Variants in LCP2 observed in about 807,000 individuals in gnomAD.
LCP2 encodes 76 kDa tyrosine phosphoprotein.
A neutral mutation model predicts 74.5 loss-of-function variants in LCP2; 29 were observed. The observed-to-expected ratio is 0.39, with a 90% CI of 0.29 to 0.53. The LOEUF is 0.53. Ranked by LOEUF, LCP2 falls within the 20% of genes least tolerant of loss-of-function variation. LCP2 has a pLI of 0.72. For synonymous variants in LCP2, 228 were observed against 229.5 expected (o/e 0.99, Z 0.06); for missense variants, 604 against 634.6 (o/e 0.95, Z 0.52).
At position 170,262,684 on chromosome 5, in the gene LCP2, T is replaced by G; in HGVS notation, c.877A>C (p.Arg293=). ...GGCAGGGGGCTGCTCCTTTCATGTC[T>G]TTCCGTGGTCGGTGGTAAAGGAGGC... ...QKPPLPPTTE[R]HERSSPLPGK... Residue 293 remains arginine (R), a synonymous_variant, in exon 13 of 21, where the codon AGA becomes CGA. Coordinates refer to ENST00000046794, the MANE Select transcript of LCP2 (RefSeq NM_005565.5). The G allele has an allele frequency of 6.2e-7, 1 of 1,614,026 alleles. No homozygotes were observed. Among genetic ancestry groups the G allele is most frequent in the Admixed American group, 1.7e-5 (1 of 60,018 alleles).
chr5:170,282,791 T>A (rs1033762260), intron 3 of LCP2, among the ~76,000 whole-genome samples: 15 of 152,344 alleles, frequency 9.8e-5, no homozygotes, highest in Admixed American at 6.5e-5. Context: ...TAGCTTGCCC[T>A]CAAGTCTCAC....
chr5:170,268,562 G>A (rs1761816489), intron 7 of LCP2, 80 bp from the exon 8 acceptor site: 4 of 180,094 alleles, frequency 2.2e-5, no homozygotes, highest in East Asian at 1.8e-4. Context: ...TATGCAGCTC[G>A]GGGCACCGGG....
At chr5:170,269,640 G>A (rs571796410) in intron 7 of LCP2, among the ~76,000 whole-genome samples, 10 of 152,192 alleles carry the variant, frequency 6.6e-5, no homozygotes, top group Non-Finnish European at 1.2e-4. Flanking sequence ...TACACCCTCA[G>A]GCAAACGCTC....
chr5:170,270,594 C>T (rs898030059), intron 7 of LCP2, 125 bp downstream of exon 7: 8 of 765,224 alleles, frequency 1.0e-5, no homozygotes, highest in African/African-American at 1.8e-5. Flanking sequence ...GTTAAGAAGC[C>T]GAGCAGATAT....
In LCP2 at chr5:170,261,422, T is replaced by TATAC. The variant is rs1561968715; in HGVS notation, c.927-286_927-285insGTAT. ...GTGTGTGTGTGTATATATATATATA[T>TATAC]ACACACTCTATATGTATATGTACAC... On this transcript the variant is annotated intron_variant, in intron 13 of 20. Transcript: ENST00000046794. 6.7e-5 allele frequency among the ~76,000 whole-genome samples: 10 copies of TATAC among 150,254 alleles called. No individual in the cohort carries two copies. The South Asian group carries it at 1.5e-3, about 22-fold the overall frequency.
chr5:170,291,010 AAG>A (rs1252913805), intron 2 of LCP2, among the ~76,000 whole-genome samples: 7 of 141,394 alleles, frequency 5.0e-5, no homozygotes, highest in East Asian at 2.0e-4. Context: ...GAGAGAAAGA[AAG>A]AGAGAAAGAA....
At chr5:170,295,111 C>G (rs1762351363) in intron 1 of LCP2, among the ~76,000 whole-genome samples, 1 of 152,086 alleles carries the variant, frequency 6.6e-6, no homozygotes, top group Non-Finnish European at 1.5e-5. Flanking sequence ...GGGACCCCAC[C>G]TGGGATTAGG....
At position 170,275,424 on chromosome 5, in the gene LCP2, C is replaced by G. The variant is rs1006065190; in HGVS notation, c.255-73G>C. 1.9e-6 allele frequency: 3 copies of G among 1,552,838 alleles called. No homozygotes were observed. The African/African-American group carries it at 4.1e-5, about 21-fold the overall frequency. On this transcript the variant is annotated intron_variant, in intron 4 of 20. Transcript: ENST00000046794. Reference sequence around the variant, plus strand: ...GATCTCCCTCTTTCCTCAACCTGGTCCAGCGAGAGGGAGTCCCCAGTGGAG... The same window carrying G: ...GATCTCCCTCTTTCCTCAACCTGGTGCAGCGAGAGGGAGTCCCCAGTGGAG...
intron 3 of LCP2, among the ~76,000 whole-genome samples, chr5:170,281,527 G>T (rs377669566): frequency 2.0e-5 from 3 of 152,162 alleles, no homozygotes; most frequent in African/African-American, 4.8e-5. Context: ...TGATCCGCCC[G>T]CCTTGGCCTC....
At chr5:170,251,139 A>G (rs1156751501) in intron 19 of LCP2, 11 of 396,732 alleles carry the variant, frequency 2.8e-5, no homozygotes, top group Middle Eastern at 7.0e-4. Context: ...CAATCTCGTT[A>G]AAGCCTCCTG....
rs1187336482 is a variant in LCP2 at position 170,260,524 on chromosome 5, C to A, written c.957+583G>T. On this transcript the variant is annotated intron_variant, in intron 14 of 20. Transcript: ENST00000046794. ...CTCCGTAAAAGAGAAAAGATGTTTC[C>A]TTATGGGTTCATTATACTCATATGT... Among the ~76,000 whole-genome samples, 5 of 152,316 alleles carry A rather than the reference C, an allele frequency of 3.3e-5. No individual in the cohort carries two copies. In the East Asian group the frequency reaches 9.6e-4, roughly 29 times the overall value.
intron 9 of LCP2, 54 bp from the exon 10 acceptor site, chr5:170,266,945 G>A: frequency 1.2e-5 from 19 of 1,601,320 alleles, no homozygotes; most frequent in Non-Finnish European, 1.6e-5. Flanking sequence ...TCGGCTGGGG[G>A]TTGGGCGGGG....
intron 16 of LCP2, 67 bp downstream of exon 16, chr5:170,257,970 C>T (rs546252420): frequency 1.3e-6 from 2 of 1,522,556 alleles, no homozygotes; most frequent in Admixed American, 3.4e-5. Flanking sequence ...ATCTGCCTGG[C>T]ATTACTTCAG....
chr5:170,258,625 T>G (rs1761601859), intron 15 of LCP2: 1 of 434,554 alleles, frequency 2.3e-6, no homozygotes, highest in Non-Finnish European at 4.1e-6. Flanking sequence ...TTTTACATTT[T>G]GTGATACAAT....
At position 170,247,803 on chromosome 5, in the gene LCP2, T is replaced by C. The variant is rs970866566; in HGVS notation, c.*894A>G. Reference sequence around the variant, plus strand: ...AATCTAAAGTGTTGCTCCCTCGTCTTCCCAGGAAGCCTTTGGTAAAATCTA... The same window carrying C: ...AATCTAAAGTGTTGCTCCCTCGTCTCCCCAGGAAGCCTTTGGTAAAATCTA... On this transcript the variant is annotated 3_prime_UTR_variant, in exon 21 of 21. Coordinates refer to ENST00000046794, the MANE Select transcript of LCP2 (RefSeq NM_005565.5). 2 of 152,210 alleles carry C rather than the reference T, an allele frequency of 1.3e-5. No individual in the cohort carries two copies. The highest frequency in any genetic ancestry group is 4.8e-5 in the African/African-American group (2 of 41,430). The allele number at this position is 152,210 out of a possible 1,614,324, so 9.4% of individuals were successfully genotyped here.
chr5:170,253,760 C>G (rs189487441), intron 17 of LCP2, among the ~76,000 whole-genome samples: 134 of 152,328 alleles, frequency 8.8e-4, no homozygotes, highest in Non-Finnish European at 1.4e-3. Flanking sequence ...ACCCGCTGTT[C>G]TAACTAAACA....
chr5:170,271,721 A>T (rs956197426), intron 6 of LCP2, among the ~76,000 whole-genome samples: 1 of 152,022 alleles, frequency 6.6e-6, no homozygotes. Flanking sequence ...AGCAGCAGTG[A>T]TGAGCGCTCA....
chr5:170,291,713 G>T (rs1260474483), intron 2 of LCP2, among the ~76,000 whole-genome samples: 1 of 152,218 alleles, frequency 6.6e-6, no homozygotes, highest in East Asian at 1.9e-4. Context: ...AGGAAGCAAG[G>T]CAGGCTCAGA....
In LCP2 at chr5:170,247,683, G is replaced by A. The variant is rs964414523; in HGVS notation, c.*1014C>T. On this transcript the variant is annotated 3_prime_UTR_variant, in exon 21 of 21. Coordinates refer to ENST00000046794, the MANE Select transcript of LCP2 (RefSeq NM_005565.5). ...CTCAAAGCACTTATACAGCCTGTTTGGGAAGGATGAGGAGAAGGGACTTTA... is the reference window on the plus strand; with the variant it reads ...CTCAAAGCACTTATACAGCCTGTTTAGGAAGGATGAGGAGAAGGGACTTTA... 3.9e-5 allele frequency: 6 copies of A among 152,196 alleles called. No individual in the cohort carries two copies. The highest frequency in any genetic ancestry group is 1.4e-4 in the African/African-American group (6 of 41,442). 9.4% of individuals were successfully genotyped at this position (152,196 alleles called of 1,614,324 possible).
Sources: allele counts gnomAD v4.1 joint callset (sites outside exome capture counted in the v4.1 genomes callset), GRCh38; gene constraint gnomAD v4.1.1; transcripts MANE v1.5; gene names NCBI Gene and HGNC (gene_info 2026-07-23, HGNC 2026-07-21).